The following BRI3BP variants were observed in gnomAD, a reference collection of about 807,000 sequenced individuals.
The protein encoded by BRI3BP is BRI3-binding protein.
Under a neutral mutation model 15.8 loss-of-function variants are expected in BRI3BP, and 7 were observed. The observed-to-expected ratio is 0.44, with a 90% confidence interval of 0.25 to 0.83. The LOEUF is 0.83. BRI3BP is among the 40% of genes least tolerant of loss of function. The pLI is 0.20. For missense variants in BRI3BP, 320 were observed against 339.3 expected (o/e 0.94, Z 0.45); for synonymous variants, 192 against 163.5 (o/e 1.17, Z -1.33).
intron 1 of BRI3BP, among the ~76,000 whole-genome samples, chr12:125,001,797 A>G (rs899901947): frequency 1.3e-5 from 2 of 151,774 alleles, no homozygotes; most frequent in African/African-American, 2.4e-5. Flanking sequence ...GGTTTGTAGT[A>G]TATTCACAGT....
chr12:125,023,832 G>T (rs1955322333), intron 2 of BRI3BP, among the ~76,000 whole-genome samples: 1 of 152,210 alleles, frequency 6.6e-6, no homozygotes, highest in African/African-American at 2.4e-5. Flanking sequence ...AGCACTTTGG[G>T]AGGCTGAGGA....
In BRI3BP at chr12:124,995,048, A is replaced by G. The variant is rs1200654822; in HGVS notation, c.213+1045A>G. On this transcript the variant is annotated intron_variant, in intron 1 of 2. Transcript: ENST00000341446. ...GCTAAAAAGTTAAAGTTTTCTGCTC[A>G]TTGAGAGGGAGTGGGGAATAGAAGG... is the stretch of plus-strand genomic sequence containing the variant. Among the ~76,000 whole-genome samples, 4 of 152,208 alleles carry G rather than the reference A, an allele frequency of 2.6e-5. No homozygotes were observed. In the East Asian group the frequency reaches 7.7e-4, roughly 29 times the overall value.
chr12:125,038,595 G>A, the BRI3BP span, among the ~76,000 whole-genome samples: 4 of 151,634 alleles, frequency 2.6e-5, no homozygotes, highest in East Asian at 5.8e-4. Flanking sequence ...GAGAAACCCC[G>A]TCTCTACTAA....
downstream of BRI3BP, among the ~76,000 whole-genome samples, chr12:125,032,968 G>A (rs1454107355): frequency 6.6e-6 from 1 of 152,064 alleles, no homozygotes; most frequent in African/African-American, 2.4e-5. Context: ...CCCTGCCCCA[G>A]CCTGACCAGC....
Position 125,024,980 on chromosome 12 carries a change from C to G in BRI3BP, c.317-11C>G. ...GCGTAACGAGCCCTGTTCCTCTTTT[C>G]TGTCCCGCAGTCTCCAACCTGTCCC... On this transcript the variant is annotated splice_polypyrimidine_tract_variant and intron_variant, in intron 2 of 2. Transcript: ENST00000341446. 6.2e-7 allele frequency: 1 copy of G among 1,604,182 alleles called. No homozygotes were observed. Among genetic ancestry groups the G allele is most frequent in the Middle Eastern group, 1.7e-4 (1 of 6,006 alleles).
At chr12:125,045,859 A>G in the BRI3BP span, among the ~76,000 whole-genome samples, 3 of 152,132 alleles carry the variant, frequency 2.0e-5, no homozygotes, top group Admixed American at 2.0e-4. Context: ...GAAAAATAAT[A>G]CCATCATTAA....
At chr12:125,018,732 T>G (rs1407726363) in intron 2 of BRI3BP, among the ~76,000 whole-genome samples, 1 of 151,410 alleles carries the variant, frequency 6.6e-6, no homozygotes, top group East Asian at 1.9e-4. Context: ...CAGGCTGAAG[T>G]GCAGTGGCGC....
At chr12:125,013,090 CATAAAA>C (rs1248307765) in intron 2 of BRI3BP, among the ~76,000 whole-genome samples, 1 of 151,976 alleles carries the variant, frequency 6.6e-6, no homozygotes, top group Non-Finnish European at 1.5e-5. Flanking sequence ...CTCAAATAAT[CATAAAA>C]ATAAAAAACA....
chr12:125,044,155 T>C, the BRI3BP span, among the ~76,000 whole-genome samples: 2 of 147,308 alleles, frequency 1.4e-5, no homozygotes, highest in African/African-American at 4.9e-5. Flanking sequence ...TTTGGTTGTT[T>C]TTTTGTGTGT....
chr12:125,015,529 T>G (rs1014008260), intron 2 of BRI3BP, among the ~76,000 whole-genome samples: 5 of 151,882 alleles, frequency 3.3e-5, no homozygotes, highest in Non-Finnish European at 1.5e-5. Flanking sequence ...AACCACCCAG[T>G]TGGTAGTGGT....
intron 1 of BRI3BP, among the ~76,000 whole-genome samples, chr12:125,002,326 C>CG (rs1555216471): frequency 7.4e-6 from 1 of 134,610 alleles, no homozygotes; most frequent in African/African-American, 2.6e-5. Context: ...TGCCTACCAG[C>CG]ATGTGGGGCC....
downstream of BRI3BP, among the ~76,000 whole-genome samples, chr12:125,036,115 A>C (rs550169794): frequency 6.6e-6 from 1 of 152,090 alleles, no homozygotes; most frequent in Non-Finnish European, 1.5e-5. Flanking sequence ...CCAAGGCTGC[A>C]GTGCAATGGC....
the BRI3BP span, among the ~76,000 whole-genome samples, chr12:125,047,849 AC>A: frequency 6.6e-6 from 1 of 151,334 alleles, no homozygotes; most frequent in Non-Finnish European, 1.5e-5. Context: ...GGCGCATGCC[AC>A]CACATCTGGC....
rs1453466072 is a variant in BRI3BP at position 125,029,772 on chromosome 12, A to G, written c.*4342A>G. The G allele has an allele frequency of 2.0e-5, 3 of 152,146 alleles. No homozygotes were observed. The highest frequency in any genetic ancestry group is 7.3e-5 in the African/African-American group (3 of 41,372). 9.4% of individuals were successfully genotyped at this position (152,146 alleles called of 1,614,324 possible). ...AATGCCGTTGAAAGGTGTTTCATACACTTACCCCAGAAATGAGAGCCTGTC... is the reference window on the plus strand; with the variant it reads ...AATGCCGTTGAAAGGTGTTTCATACGCTTACCCCAGAAATGAGAGCCTGTC... On this transcript the variant is annotated 3_prime_UTR_variant, in exon 3 of 3. Transcript: ENST00000341446.
the BRI3BP span, among the ~76,000 whole-genome samples, chr12:125,041,954 A>G: frequency 6.6e-6 from 1 of 152,200 alleles, no homozygotes; most frequent in African/African-American, 2.4e-5. Context: ...TTGACCTCGC[A>G]AAGTGCTGGG....
Position 125,029,029 on chromosome 12 carries a change from G to A in BRI3BP, c.*3599G>A, listed in dbSNP as rs557400114. 1 of 152,110 alleles carries A rather than the reference G, an allele frequency of 6.6e-6. No homozygotes were observed. The highest frequency in any genetic ancestry group is 1.5e-5 in the Non-Finnish European group (1 of 68,026). 9.4% of individuals were successfully genotyped at this position (152,110 alleles called of 1,614,324 possible). ...CTCAGTGTTTAAAATATCTTAATCA[G>A]TGTTAATTTCCCAGTGTTTCAGTAT... On this transcript the variant is annotated 3_prime_UTR_variant, in exon 3 of 3. Transcript: ENST00000341446.
Position 125,029,556 on chromosome 12 carries a change from G to GTATATATATATACATATATATATATA in BRI3BP, c.*4127_*4128insATATATATATACATATATATATATAT, listed in dbSNP as rs1955390540. ...CAAAAAAAAAAAAAAGTGTGTGTGTGTGTATATATATGTATATATATATAC... is the reference window on the plus strand; with the variant it reads ...CAAAAAAAAAAAAAAGTGTGTGTGTGTATATATATATACATATATATATATATGTATATATATGTATATATATATAC... On this transcript the variant is annotated 3_prime_UTR_variant, in exon 3 of 3. Coordinates refer to ENST00000341446, the MANE Select transcript of BRI3BP (RefSeq NM_080626.6). The GTATATATATATACATATATATATATA allele has an allele frequency of 7.0e-6, 1 of 143,720 alleles. No individual in the cohort carries two copies. The highest frequency in any genetic ancestry group is 2.1e-4 in the South Asian group (1 of 4,660). 8.9% of individuals were successfully genotyped at this position (143,720 alleles called of 1,614,324 possible).
intron 1 of BRI3BP, among the ~76,000 whole-genome samples, chr12:125,006,080 AAGGACACCAGTCGCAT>A (rs1370461834): frequency 6.6e-6 from 1 of 152,072 alleles, no homozygotes; most frequent in Admixed American, 6.6e-5. Flanking sequence ...CTACTTGCAT[AAGGACACCAGTCGCAT>A]CGGATTAGGG....
At chr12:125,031,815 A>G (rs1196997915), downstream of BRI3BP, among the ~76,000 whole-genome samples, 3 of 152,158 alleles carry the variant, frequency 2.0e-5, no homozygotes, top group South Asian at 2.1e-4. Flanking sequence ...GGCGTGAGCC[A>G]TCATGCCCAG....
Sources: allele counts gnomAD v4.1 joint callset (sites outside exome capture counted in the v4.1 genomes callset), GRCh38; gene constraint gnomAD v4.1.1; transcripts MANE v1.5; gene names NCBI Gene and HGNC (gene_info 2026-07-23, HGNC 2026-07-21).